MSI2: variants seen among roughly 807,000 people sequenced by gnomAD.
MSI2 encodes the protein RNA-binding protein Musashi homolog 2.
In MSI2, 17 loss-of-function variants were observed where a neutral mutation model predicts 45.6. The ratio of observed to expected loss-of-function variants is 0.37; its 90% CI spans 0.26 to 0.56. The LOEUF is 0.56. Ranked by LOEUF, MSI2 falls within the 20% of genes least tolerant of loss-of-function variation. The pLI is 0.77. For synonymous variants in MSI2, 156 were observed against 158.2 expected, an observed-to-expected ratio of 0.99 and a Z score of 0.11; for missense variants, 293 against 444.2, an observed-to-expected ratio of 0.66 and a Z score of 3.06.
At chr17:57,653,581 C>G (rs1448881203) in intron 11 of MSI2, among the ~76,000 whole-genome samples, 1 of 152,208 alleles carries the variant, frequency 6.6e-6, no homozygotes, top group African/African-American at 2.4e-5. Context: ...TCATTATAAA[C>G]AAGCCTTGGC....
At chr17:57,647,904 AG>A (rs1444597272) in intron 10 of MSI2, among the ~76,000 whole-genome samples, 1 of 145,908 alleles carries the variant, frequency 6.9e-6, no homozygotes, top group African/African-American at 2.5e-5. Context: ...AGCCTCCCAA[AG>A]TGCTAGGATT....
chr17:57,414,165 T>G (rs899579224), intron 6 of MSI2, among the ~76,000 whole-genome samples: 5 of 152,228 alleles, frequency 3.3e-5, no homozygotes, highest in Non-Finnish European at 7.3e-5. Context: ...AGAGGGAATC[T>G]TGGCTTATCA....
At chr17:57,485,057 G>A (rs1174061441) in intron 6 of MSI2, among the ~76,000 whole-genome samples, 5 of 152,204 alleles carry the variant, frequency 3.3e-5, no homozygotes, top group South Asian at 2.1e-4. Context: ...AGGGTGCCTC[G>A]TGTAGAGCCC....
chr17:57,494,602 G>T (rs7214048), intron 6 of MSI2, among the ~76,000 whole-genome samples: 4,497 of 152,264 alleles, frequency 0.03, 198 homozygotes, highest in South Asian at 0.14. Flanking sequence ...TTTGAGCACC[G>T]CTGTTGTGCT....
intron 7 of MSI2, among the ~76,000 whole-genome samples, chr17:57,585,103 C>T (rs1010344590): frequency 6.6e-6 from 1 of 152,112 alleles, no homozygotes; most frequent in Non-Finnish European, 1.5e-5. Flanking sequence ...CAAGCATGAG[C>T]CACCACCACG....
intron 10 of MSI2, among the ~76,000 whole-genome samples, chr17:57,648,627 C>G (rs1170413194): frequency 1.3e-5 from 2 of 152,158 alleles, no homozygotes; most frequent in South Asian, 2.1e-4. Flanking sequence ...GAGGGGTGAT[C>G]ATTTCCCACT....
chr17:57,379,051 C>T (rs1350322887), intron 5 of MSI2, among the ~76,000 whole-genome samples: 1 of 151,948 alleles, frequency 6.6e-6, no homozygotes, highest in African/African-American at 2.4e-5. Flanking sequence ...TGCTCTTTTG[C>T]GTGTGTTCTG....
chr17:57,303,214 C>G (rs1161921058), intron 5 of MSI2, among the ~76,000 whole-genome samples: 2 of 152,204 alleles, frequency 1.3e-5, no homozygotes, highest in African/African-American at 4.8e-5. Flanking sequence ...GAGTGCTTTC[C>G]TGTGAAAATA....
intron 5 of MSI2, chr17:57,278,758 G>T: frequency 6.5e-6 from 1 of 153,168 alleles, no homozygotes; most frequent in South Asian, 2.0e-4. Context: ...TATGTGCCAT[G>T]GTGGTTTGCT....
chr17:57,604,426 G>T (rs1906292674), intron 8 of MSI2, among the ~76,000 whole-genome samples: 3 of 152,162 alleles, frequency 2.0e-5, no homozygotes, highest in Admixed American at 6.5e-5. Flanking sequence ...ACCTGGGCAG[G>T]ACTGGGTCCC....
chr17:57,613,649 A>G (rs1907393385), intron 8 of MSI2, among the ~76,000 whole-genome samples: 1 of 152,218 alleles, frequency 6.6e-6, no homozygotes, highest in Non-Finnish European at 1.5e-5. Flanking sequence ...AAACCCTTAC[A>G]TCAAACAATG....
At chr17:57,563,560 T>C (rs145692002) in intron 7 of MSI2, among the ~76,000 whole-genome samples, 6 of 152,176 alleles carry the variant, frequency 3.9e-5, no homozygotes, top group African/African-American at 1.4e-4. Flanking sequence ...TTCCATTCTA[T>C]CCCCAAAATA....
At chr17:57,503,630 T>A (rs2086163483) in intron 6 of MSI2, among the ~76,000 whole-genome samples, 2 of 152,228 alleles carry the variant, frequency 1.3e-5, no homozygotes, top group African/African-American at 4.8e-5. Context: ...CGTTCATCCG[T>A]CAGTCAGTCA....
At chr17:57,364,899 T>A (rs1030468045) in intron 5 of MSI2, 20 of 152,196 alleles carry the variant, frequency 1.3e-4, no homozygotes, top group African/African-American at 4.8e-4. Flanking sequence ...TTTATTCATT[T>A]TTTTTTTCTT....
Position 57,666,537 on chromosome 17 carries a change from CAG to C in MSI2, c.791-8434_791-8433del, listed in dbSNP as rs572035995. Among the ~76,000 whole-genome samples, 40 of 152,336 alleles carry C rather than the reference CAG, an allele frequency of 2.6e-4. No homozygotes were observed. In the South Asian group the frequency reaches 8.3e-3, roughly 32 times the overall value. ...TTGTCCCTACCAGTATCAGGCCTAA[CAG>C]GGGCAGAGTGATATCTAATTCTTAC... On this transcript the variant is annotated intron_variant, in intron 11 of 13. Transcript: ENST00000284073.
At chr17:57,536,092 C>A (rs1349427761) in intron 7 of MSI2, among the ~76,000 whole-genome samples, 2 of 149,730 alleles carry the variant, frequency 1.3e-5, no homozygotes, top group African/African-American at 2.5e-5. Flanking sequence ...GTCTATTACT[C>A]AAAAAAAAAA....
intron 12 of MSI2, 37 bp downstream of exon 12, chr17:57,675,163 C>T (rs1338600121): frequency 6.3e-7 from 1 of 1,585,698 alleles, no homozygotes; most frequent in African/African-American, 1.3e-5. Context: ...CTGCCTCCTC[C>T]TTCCTGACCA....
chr17:57,631,873 C>G (rs879696202), intron 10 of MSI2: 3 of 1,608,562 alleles, frequency 1.9e-6, no homozygotes, highest in Non-Finnish European at 2.5e-6. Flanking sequence ...GCTACCATTT[C>G]TAGAGAGAGA....
At chr17:57,323,051 C>G (rs1383754163) in intron 5 of MSI2, among the ~76,000 whole-genome samples, 1 of 151,862 alleles carries the variant, frequency 6.6e-6, no homozygotes. Flanking sequence ...CGTGAGTGAC[C>G]CTGAGTGATG....
Sources: gnomAD v4.1 joint callset for allele counts (sites outside exome capture counted in the v4.1 genomes callset) on GRCh38, gnomAD v4.1.1 for gene constraint, MANE v1.5 for transcripts, NCBI Gene and HGNC (gene_info 2026-07-23, HGNC 2026-07-21) for gene names.